Variants in DOCK1 observed in about 807,000 individuals in gnomAD.
DOCK1 encodes dedicator of cytokinesis 1, also known as dedicator of cytokinesis protein 1.
Under a neutral mutation model 262.7 loss-of-function variants are expected in DOCK1, and 138 were observed. The ratio of observed to expected loss-of-function variants is 0.53; its 90% CI spans 0.46 to 0.61. The LOEUF (loss-of-function observed/expected upper bound fraction) is 0.61. DOCK1 is among the 20% of genes least tolerant of loss of function. DOCK1 has a pLI of 0.00. For missense variants in DOCK1, 1,908 were observed against 2,370.7 expected (o/e 0.80, Z 4.05); for synonymous variants, 866 against 867.4 (o/e 1.00, Z 0.03).
intron 1 of DOCK1, among the ~76,000 whole-genome samples, chr10:126,946,433 G>C (rs2035411065): frequency 6.6e-6 from 1 of 152,108 alleles, no homozygotes; most frequent in South Asian, 2.1e-4. Flanking sequence ...TGTAATCCCA[G>C]CTACTTGGGA....
intron 29 of DOCK1, 181 bp downstream of exon 29, chr10:127,257,610 T>C: frequency 2.1e-6 from 1 of 480,158 alleles, no homozygotes; most frequent in Non-Finnish European, 3.7e-6. Flanking sequence ...GTGACTTCCT[T>C]ATGACAACAC....
chr10:127,041,205 C>G (rs2043991419), intron 19 of DOCK1, among the ~76,000 whole-genome samples: 2 of 152,194 alleles, frequency 1.3e-5, no homozygotes, highest in Admixed American at 6.5e-5. Context: ...TCAACTGATT[C>G]TCCTGCCTCA....
At chr10:127,356,652 A>G (rs2064159515) in intron 32 of DOCK1, among the ~76,000 whole-genome samples, 1 of 151,992 alleles carries the variant, frequency 6.6e-6, no homozygotes, top group Non-Finnish European at 1.5e-5. Flanking sequence ...TTTCACAGCA[A>G]TGGCATGGAG....
chr10:127,392,711 CCT>C (rs1189516233), intron 38 of DOCK1, among the ~76,000 whole-genome samples: 1 of 152,134 alleles, frequency 6.6e-6, no homozygotes, highest in African/African-American at 2.4e-5. Flanking sequence ...AGACTGAGCC[CCT>C]GGGAGAGCGA....
chr10:126,989,537 G>T (rs1335158891), intron 5 of DOCK1, among the ~76,000 whole-genome samples: 1 of 152,038 alleles, frequency 6.6e-6, no homozygotes, highest in African/African-American at 2.4e-5. Flanking sequence ...ATGTTGCCCA[G>T]GCTGATCTCC....
At position 127,025,948 on chromosome 10, in the gene DOCK1, C is replaced by G. The variant is rs544052209; in HGVS notation, c.1552-404C>G. On this transcript the variant is annotated intron_variant, in intron 15 of 51. Coordinates refer to ENST00000623213, the MANE Select transcript of DOCK1 (RefSeq NM_001290223.2). The stretch of plus-strand genomic sequence containing the variant: ...GCGCATGCCTGTAATCCCAGCTACT[C>G]GAGAGGCTGAGGCAGGAGAATCGCT... The G allele has an allele frequency of 3.3e-5, 7 of 212,788 alleles. No individual in the cohort carries two copies. In the South Asian group the frequency reaches 4.2e-4, roughly 13 times the overall value. 13.2% of individuals were successfully genotyped at this position (212,788 alleles called of 1,614,324 possible). A position where few individuals can be genotyped will look rare whatever the true frequency, so the allele number is the denominator to read the frequency against.
intron 36 of DOCK1, 55 bp downstream of exon 36, chr10:127,380,177 T>C (rs1419275723): frequency 7.9e-7 from 1 of 1,259,586 alleles, no homozygotes; most frequent in Admixed American, 2.8e-5. Flanking sequence ...ATATATGTTG[T>C]ATGTTTACGT....
intron 1 of DOCK1, among the ~76,000 whole-genome samples, chr10:126,941,742 G>A (rs906969915): frequency 5.9e-5 from 9 of 151,310 alleles, no homozygotes; most frequent in Admixed American, 2.6e-4. Flanking sequence ...GCGACAGTGC[G>A]AGACTCCATC....
chr10:127,332,828 G>GT (rs2063041999), intron 29 of DOCK1, among the ~76,000 whole-genome samples: 1 of 152,218 alleles, frequency 6.6e-6, no homozygotes, highest in African/African-American at 2.4e-5. Flanking sequence ...CCTGCCAAGT[G>GT]TGGGGAGGTG....
At chr10:127,023,170 T>A (rs550880900) in intron 13 of DOCK1, 30 bp from the exon 14 acceptor site, 2 of 1,611,034 alleles carry the variant, frequency 1.2e-6, no homozygotes, top group Non-Finnish European at 8.5e-7. Context: ...AATGGATTGT[T>A]TTTTAAATGT....
At chr10:126,970,926 T>G (rs1274560367) in intron 2 of DOCK1, 141 bp downstream of exon 2, 3 of 873,394 alleles carry the variant, frequency 3.4e-6, no homozygotes, top group Non-Finnish European at 5.0e-6. Context: ...TTCTTGCAGA[T>G]GGATACTGTT....
At chr10:126,986,498 T>C (rs1015252973) in intron 4 of DOCK1, among the ~76,000 whole-genome samples, 2 of 152,044 alleles carry the variant, frequency 1.3e-5, no homozygotes, top group African/African-American at 2.4e-5. Flanking sequence ...ATTCACTCTC[T>C]CCCCCTAACC....
intron 3 of DOCK1, among the ~76,000 whole-genome samples, chr10:126,981,462 C>A (rs1382230750): frequency 2.0e-5 from 3 of 152,182 alleles, no homozygotes; most frequent in African/African-American, 7.2e-5. Context: ...CCAGAGGGCC[C>A]CCCTGTTGGG....
intron 23 of DOCK1, among the ~76,000 whole-genome samples, chr10:127,095,546 C>T (rs57955866): frequency 0.013 from 1,931 of 152,328 alleles, 48 homozygotes; most frequent in African/African-American, 0.043. Context: ...CTGCATGGCA[C>T]AGCTACCTGT....
At chr10:127,147,073 A>G (rs1035192786) in intron 27 of DOCK1, among the ~76,000 whole-genome samples, 6 of 152,174 alleles carry the variant, frequency 3.9e-5, no homozygotes, top group African/African-American at 1.4e-4. Flanking sequence ...AGAAAATACA[A>G]CCCATCACTT....
intron 37 of DOCK1, 106 bp downstream of exon 37, chr10:127,381,474 G>A (rs577939591): frequency 1.1e-5 from 11 of 971,678 alleles, no homozygotes; most frequent in Middle Eastern, 2.3e-4. Context: ...ATAACTTAAG[G>A]TTTTATGAAA....
At chr10:127,297,436 G>A (rs932944207) in intron 29 of DOCK1, among the ~76,000 whole-genome samples, 6 of 152,072 alleles carry the variant, frequency 3.9e-5, no homozygotes, top group African/African-American at 9.7e-5. Context: ...GGGACGCATC[G>A]TCATGGGGAC....
chr10:127,379,599 G>T (rs576259186), intron 35 of DOCK1, among the ~76,000 whole-genome samples: 70 of 152,292 alleles, frequency 4.6e-4, no homozygotes, highest in African/African-American at 1.5e-3. Flanking sequence ...GTGGCTACTG[G>T]CTAGTGTATT....
chr10:127,343,790 A>G, intron 31 of DOCK1, 44 bp downstream of exon 31: 1 of 1,423,214 alleles, frequency 7.0e-7, no homozygotes, highest in African/African-American at 1.4e-5. Flanking sequence ...GGAGCCTCCA[A>G]CTCTAATCGC....
Sources: allele counts gnomAD v4.1 joint callset (sites outside exome capture counted in the v4.1 genomes callset), GRCh38; gene constraint gnomAD v4.1.1; transcripts MANE v1.5; gene names NCBI Gene and HGNC (gene_info 2026-07-23, HGNC 2026-07-21).